SBF2: variants seen among roughly 807,000 people sequenced by gnomAD.
SBF2 encodes myotubularin-related protein 13.
A neutral mutation model predicts 225.2 loss-of-function variants in SBF2; 112 were observed. The observed-to-expected ratio is 0.50, with a 90% CI of 0.43 to 0.58. The LOEUF (loss-of-function observed/expected upper bound fraction) is 0.58, where lower values mean the gene tolerates loss of function less well. Among genes scored for constraint, SBF2 ranks in the 20% least tolerant of loss-of-function variants. SBF2 has a pLI of 0.00. For missense variants in SBF2, 1,996 were observed against 2,206.2 expected (o/e 0.90, Z 1.91); for synonymous variants, 763 against 773.3 (o/e 0.99, Z 0.22).
intron 2 of SBF2, among the ~76,000 whole-genome samples, chr11:10,095,749 T>C (rs1282743460): frequency 6.6e-6 from 1 of 152,304 alleles, no homozygotes; most frequent in East Asian, 1.9e-4. Context: ...CACATACTGA[T>C]TTTAATCACA....
At chr11:9,840,713 A>G (rs1020684503) in intron 25 of SBF2, among the ~76,000 whole-genome samples, 5 of 152,214 alleles carry the variant, frequency 3.3e-5, no homozygotes, top group African/African-American at 1.2e-4. Flanking sequence ...TGGATTAACC[A>G]GAAGTTCACT....
chr11:9,789,722 T>C (rs545771008), intron 34 of SBF2, among the ~76,000 whole-genome samples: 4 of 152,312 alleles, frequency 2.6e-5, no homozygotes, highest in African/African-American at 7.2e-5. Flanking sequence ...TGAATCATTA[T>C]GTATACCCCA....
intron 2 of SBF2, among the ~76,000 whole-genome samples, chr11:10,117,763 A>G (rs1410560091): frequency 6.6e-6 from 1 of 150,386 alleles, no homozygotes; most frequent in East Asian, 1.9e-4. Context: ...TGCTATTTCC[A>G]TGTTGTTGGG....
At chr11:10,283,934 G>A (rs932953450) in intron 1 of SBF2, among the ~76,000 whole-genome samples, 25 of 152,188 alleles carry the variant, frequency 1.6e-4, no homozygotes, top group African/African-American at 5.8e-4. Context: ...ATAGTAAAGT[G>A]ACTAAGTTAA....
rs1294593742 is a variant in SBF2, at chr11:10,165,900, T to G, written c.141+28002A>C. Reference sequence around the variant, plus strand: ...AAAAAGATCTCACAGTATTTTCAATTATAGTAACTGTACTTTTAGCATATG... The same window carrying G: ...AAAAAGATCTCACAGTATTTTCAATGATAGTAACTGTACTTTTAGCATATG... On this transcript the variant is annotated intron_variant, in intron 2 of 39. Transcript: ENST00000256190. 3.9e-5 allele frequency among the ~76,000 whole-genome samples: 6 copies of G among 152,338 alleles called. No homozygotes were observed. In the East Asian group the frequency reaches 1.2e-3, roughly 29 times the overall value.
At chr11:9,881,068 C>A (rs1392076651) in intron 17 of SBF2, among the ~76,000 whole-genome samples, 2 of 152,094 alleles carry the variant, frequency 1.3e-5, no homozygotes, top group East Asian at 3.9e-4. Context: ...TATGTACAAG[C>A]CACTCACAGA....
intron 29 of SBF2, among the ~76,000 whole-genome samples, chr11:9,815,945 G>A (rs568692812): frequency 5.3e-5 from 8 of 152,276 alleles, no homozygotes; most frequent in African/African-American, 1.9e-4. Context: ...CTCAGTTACT[G>A]GCATCTTAAG....
intron 2 of SBF2, among the ~76,000 whole-genome samples, chr11:10,151,357 G>T (rs762616871): frequency 2.0e-5 from 3 of 152,062 alleles, no homozygotes; most frequent in Non-Finnish European, 2.9e-5. Context: ...CTTTAATTAG[G>T]ATTCCTTTCC....
chr11:10,101,119 C>T (rs763051468), intron 2 of SBF2, among the ~76,000 whole-genome samples: 3 of 152,104 alleles, frequency 2.0e-5, no homozygotes, highest in Non-Finnish European at 4.4e-5. Context: ...AGGCCTAACT[C>T]AGAGAACCCT....
chr11:9,830,775 C>CAAAAAAAAAACAAAAA (rs896636140), intron 27 of SBF2, among the ~76,000 whole-genome samples: 4 of 145,406 alleles, frequency 2.8e-5, no homozygotes, highest in African/African-American at 7.6e-5. Context: ...CAAAACAAAA[C>CAAAAAAAAAACAAAAA]AAAAAACAAA....
chr11:10,155,444 A>G (rs181003475), intron 2 of SBF2, among the ~76,000 whole-genome samples: 10 of 152,318 alleles, frequency 6.6e-5, no homozygotes, highest in Admixed American at 3.9e-4. Flanking sequence ...GTAGAGACAG[A>G]ACATTCAAAT....
intron 2 of SBF2, among the ~76,000 whole-genome samples, chr11:10,113,095 G>C (rs992147801): frequency 1.2e-4 from 18 of 152,144 alleles, no homozygotes; most frequent in African/African-American, 3.9e-4. Flanking sequence ...CTGGGCTTAA[G>C]CGATCCTCCC....
At chr11:9,951,126 A>G (rs555972591) in intron 16 of SBF2, among the ~76,000 whole-genome samples, 7 of 152,196 alleles carry the variant, frequency 4.6e-5, no homozygotes, top group Non-Finnish European at 7.4e-5. Flanking sequence ...TGGCCAAGGG[A>G]AAGGAAAGAT....
At chr11:10,273,077 A>AT (rs1363342814) in intron 1 of SBF2, among the ~76,000 whole-genome samples, 1 of 151,356 alleles carries the variant, frequency 6.6e-6, no homozygotes, top group East Asian at 1.9e-4. Context: ...CTCCGAAAAA[A>AT]AAAATAAATA....
At chr11:9,984,653 G>C (rs925612493) in intron 13 of SBF2, among the ~76,000 whole-genome samples, 2 of 152,110 alleles carry the variant, frequency 1.3e-5, no homozygotes, top group African/African-American at 4.8e-5. Context: ...TTAAGACGAA[G>C]GAAAGAATCT....
Position 9,847,032 on chromosome 11 carries a change from T to C in SBF2, c.2858A>G (p.Glu953Gly). 6.2e-7 allele frequency: 1 copy of C among 1,613,828 alleles called. No individual in the cohort carries two copies. Among genetic ancestry groups the C allele is most frequent in the Non-Finnish European group, 8.5e-7 (1 of 1,179,734 alleles). Residue 953 changes from glutamate to glycine, a missense_variant, in exon 23 of 40, where the codon GAG becomes GGG. By Grantham distance (98) the Glu-to-Gly change is moderately conservative. Coordinates refer to ENST00000256190, the MANE Select transcript of SBF2 (RefSeq NM_030962.4). ...RSFPIASITK[E>G]KKITMQNQLQ... is the part of the protein sequence containing the mutation. ...CTGGTTCTGCATTGTAATCTTCTTCTCCTTGGTGATGGAGGCAATGGGAAA... is the reference window on the plus strand; with the variant it reads ...CTGGTTCTGCATTGTAATCTTCTTCCCCTTGGTGATGGAGGCAATGGGAAA...
At chr11:9,967,100 A>C (rs1332389550) in intron 14 of SBF2, among the ~76,000 whole-genome samples, 1 of 152,196 alleles carries the variant, frequency 6.6e-6, no homozygotes, top group Non-Finnish European at 1.5e-5. Flanking sequence ...GGCCTGGCAC[A>C]GAGGCTCACG....
intron 16 of SBF2, among the ~76,000 whole-genome samples, chr11:9,942,980 GAAGAAAGAAAGA>G (rs61495070): frequency 3.8e-4 from 56 of 147,670 alleles, no homozygotes; most frequent in African/African-American, 6.0e-4. Context: ...AAAGAAAGAG[GAAGAAAGAAAGA>G]AAGAAAGAAA....
At chr11:10,163,024 C>G (rs951240918) in intron 2 of SBF2, among the ~76,000 whole-genome samples, 1 of 151,934 alleles carries the variant, frequency 6.6e-6, no homozygotes, top group Non-Finnish European at 1.5e-5. Context: ...GTATGAGGGT[C>G]GAAGACAGCA....
Sources: gnomAD v4.1 joint callset for allele counts (sites outside exome capture counted in the v4.1 genomes callset) on GRCh38, gnomAD v4.1.1 for gene constraint, MANE v1.5 for transcripts, NCBI Gene and HGNC (gene_info 2026-07-23, HGNC 2026-07-21) for gene names.